Variants in ZNF136 observed in about 807,000 individuals in gnomAD.
The protein encoded by ZNF136 is zinc finger protein 136 (clone pHZ-20).
ZNF136 carries 8 observed loss-of-function variants against 11.4 expected under a neutral mutation model. The observed-to-expected ratio is 0.70, with a 90% CI of 0.41 to 1.27. The LOEUF (loss-of-function observed/expected upper bound fraction) is 1.27, where lower values mean the gene tolerates loss of function less well. ZNF136 is among the 50% of genes most tolerant of loss of function. The probability of loss-of-function intolerance (pLI) is 0.01; values close to 1 mark genes in which losing one functional copy is unlikely to be tolerated. For missense variants in ZNF136, 590 were observed against 656.5 expected, an observed-to-expected ratio of 0.90 and a Z score of 1.11; for synonymous variants, 190 against 207.1, an observed-to-expected ratio of 0.92 and a Z score of 0.71.
At chr19:12,170,781 T>C (rs1446989919) in intron 1 of ZNF136, among the ~76,000 whole-genome samples, 1 of 151,836 alleles carries the variant, frequency 6.6e-6, no homozygotes, top group Non-Finnish European at 1.5e-5. Context: ...GTGATTCTCT[T>C]GCCTCAGCCT....
intron 1 of ZNF136, among the ~76,000 whole-genome samples, chr19:12,170,441 G>A (rs1245173872): frequency 6.6e-6 from 1 of 150,722 alleles, no homozygotes; most frequent in Non-Finnish European, 1.5e-5. Flanking sequence ...AGACTGAAGT[G>A]CAGTGGTGCA....
chr19:12,182,624 G>GA (rs1191604422), intron 1 of ZNF136, among the ~76,000 whole-genome samples: 1 of 152,254 alleles, frequency 6.6e-6, no homozygotes, highest in Non-Finnish European at 1.5e-5. Context: ...GGGAAAGACA[G>GA]AAAATGATTC....
rs558578043 is a variant in ZNF136, at chr19:12,180,749, G to A, written c.4-5036G>A. On this transcript the variant is annotated intron_variant, in intron 1 of 3. Coordinates refer to ENST00000343979, the MANE Select transcript of ZNF136 (RefSeq NM_003437.5). ...TTGAGGTTAACAATAATGATTCCCCGTAAAGATATAGGTATGGCTTATTGT... is the reference window on the plus strand; with the variant it reads ...TTGAGGTTAACAATAATGATTCCCCATAAAGATATAGGTATGGCTTATTGT... Among the ~76,000 whole-genome samples, 11 of 152,240 alleles carry A rather than the reference G, an allele frequency of 7.2e-5. No homozygotes were observed. The South Asian group carries it at 1.0e-3, about 14-fold the overall frequency.
intron 1 of ZNF136, among the ~76,000 whole-genome samples, chr19:12,166,782 G>A (rs1202724304): frequency 3.3e-5 from 5 of 152,130 alleles, no homozygotes; most frequent in African/African-American, 7.2e-5. Flanking sequence ...CATTAAGATT[G>A]ATTTTGCTGG....
intron 1 of ZNF136, among the ~76,000 whole-genome samples, chr19:12,176,363 G>C (rs1484773895): frequency 1.3e-5 from 2 of 151,336 alleles, no homozygotes; most frequent in African/African-American, 4.9e-5. Context: ...TTTCGCTCTT[G>C]TTGCCCAGGT....
Position 12,163,103 on chromosome 19 carries a change from C to T in ZNF136, c.-101C>T, listed in dbSNP as rs2049939134. 7.7e-7 allele frequency: 1 copy of T among 1,303,016 alleles called. No homozygotes were observed. Among genetic ancestry groups the T allele is most frequent in the Non-Finnish European group, 1.0e-6 (1 of 1,000,562 alleles). The allele number at this position is 1,303,016 out of a possible 1,614,324, so 80.7% of individuals were successfully genotyped here. On this transcript the variant is annotated 5_prime_UTR_variant, in exon 1 of 4. Coordinates refer to ENST00000343979, the MANE Select transcript of ZNF136 (RefSeq NM_003437.5). ...CGTACTTGGTTTCGCTTCGCTAGTC[C>T]CAGAGGCCCAGAGTGGCTCGCCTGG... is the stretch of plus-strand genomic sequence containing the variant.
At chr19:12,168,790 C>T (rs1042171385) in intron 1 of ZNF136, among the ~76,000 whole-genome samples, 1 of 152,020 alleles carries the variant, frequency 6.6e-6, no homozygotes, top group Non-Finnish European at 1.5e-5. Context: ...ATTCTCCTGC[C>T]TCAGCCGCCC....
At chr19:12,181,678 AG>A (rs1206251538) in intron 1 of ZNF136, among the ~76,000 whole-genome samples, 1 of 151,650 alleles carries the variant, frequency 6.6e-6, no homozygotes, top group African/African-American at 2.4e-5. Flanking sequence ...TGAGTCGCCC[AG>A]GCTGGAGGGC....
rs910582835 is a variant in ZNF136, at chr19:12,189,351, CTTCTTTT to C, written c.*1359_*1365del. ...TTTTTTCCTTTTTTCTTTTTTCTTT[CTTCTTTT>C]TTCTTTTTGAGACAGGGTCTCGCTC... On this transcript the variant is annotated 3_prime_UTR_variant, in exon 4 of 4. Coordinates refer to ENST00000343979, the MANE Select transcript of ZNF136 (RefSeq NM_003437.5). 8.6e-5 allele frequency: 13 copies of C among 150,568 alleles called. No homozygotes were observed. The highest frequency in any genetic ancestry group is 1.9e-4 in the Non-Finnish European group (13 of 67,632). The allele number at this position is 150,568 out of a possible 1,614,324, so 9.3% of individuals were successfully genotyped here.
At chr19:12,171,002 A>C (rs1338708279) in intron 1 of ZNF136, among the ~76,000 whole-genome samples, 2 of 151,912 alleles carry the variant, frequency 1.3e-5, no homozygotes, top group African/African-American at 4.8e-5. Flanking sequence ...CGCCCGGCTA[A>C]TTTTGTTTTT....
chr19:12,186,559 A>G lies in ZNF136; in HGVS notation c.192-11A>G, dbSNP rs1404428348. The G allele has an allele frequency of 1.3e-6, 2 of 1,578,196 alleles. No individual in the cohort carries two copies. Among genetic ancestry groups the G allele is most frequent in the Non-Finnish European group, 1.7e-6 (2 of 1,161,878 alleles). On this transcript the variant is annotated splice_polypyrimidine_tract_variant and intron_variant, in intron 3 of 3. Transcript: ENST00000343979. ...ACAAATCCTTAGTAATGTCCGTCTC[A>G]TTTTTTACAGAAGTCATATGTTAGA... is the stretch of plus-strand genomic sequence containing the variant.
chr19:12,168,372 G>T (rs893588096), intron 1 of ZNF136, among the ~76,000 whole-genome samples: 6 of 151,822 alleles, frequency 4.0e-5, no homozygotes, highest in African/African-American at 1.5e-4. Context: ...CCACGCCCCC[G>T]ACAAGCCCCG....
At chr19:12,173,082 T>C (rs1041618826) in intron 1 of ZNF136, among the ~76,000 whole-genome samples, 1 of 151,946 alleles carries the variant, frequency 6.6e-6, no homozygotes, top group Non-Finnish European at 1.5e-5. Flanking sequence ...GGTGGAACTA[T>C]TTGTGACACA....
intron 1 of ZNF136, among the ~76,000 whole-genome samples, chr19:12,172,977 A>C (rs1914699276): frequency 6.6e-6 from 1 of 152,028 alleles, no homozygotes; most frequent in Admixed American, 6.6e-5. Flanking sequence ...GCGTCACTGC[A>C]CTCCAGCCTG....
chr19:12,163,328 C>G (rs918372808), intron 1 of ZNF136, 122 bp downstream of exon 1: 16 of 1,232,250 alleles, frequency 1.3e-5, no homozygotes, highest in Non-Finnish European at 1.7e-5. Context: ...CCGAGTCCCT[C>G]TGGCGCAGCT....
chr19:12,178,509 T>G (rs2145635839), intron 1 of ZNF136, among the ~76,000 whole-genome samples: 2 of 152,326 alleles, frequency 1.3e-5, no homozygotes, highest in African/African-American at 4.8e-5. Context: ...TATGTATTAT[T>G]TCCTCAAGCA....
intron 1 of ZNF136, chr19:12,184,821 A>C (rs1301121774): frequency 6.6e-6 from 1 of 152,088 alleles, no homozygotes; most frequent in African/African-American, 2.4e-5. Context: ...AGAAATTTTC[A>C]TATTTTTTCC....
In ZNF136 at chr19:12,187,334, A is replaced by G. The variant is rs1460585494; in HGVS notation, c.956A>G (p.Tyr319Cys). The G allele has an allele frequency of 3.7e-6, 6 of 1,613,924 alleles. No homozygotes were observed. Among genetic ancestry groups the G allele is most frequent in the Non-Finnish European group, 5.1e-6 (6 of 1,179,958 alleles). Residue 319 changes from tyrosine to cysteine, a missense_variant, in exon 4 of 4, where the codon TAT (tyrosine) becomes TGT (cysteine). Coordinates refer to ENST00000343979, the MANE Select transcript of ZNF136 (RefSeq NM_003437.5). ...AAGCAGTGTGGGAAGGCCTTCAGTTATCTCCCCTCCCTTCGACTACATGAA... is the reference window on the plus strand; with the variant it reads ...AAGCAGTGTGGGAAGGCCTTCAGTTGTCTCCCCTCCCTTCGACTACATGAA... ...ECKQCGKAFS[Y>C]LPSLRLHERI...
chr19:12,175,054 C>T (rs906744872), intron 1 of ZNF136, among the ~76,000 whole-genome samples: 14 of 151,702 alleles, frequency 9.2e-5, no homozygotes, highest in South Asian at 4.2e-4. Flanking sequence ...GACAGTGTTT[C>T]GCCATATTGA....
Sources: allele counts gnomAD v4.1 joint callset (sites outside exome capture counted in the v4.1 genomes callset), GRCh38; gene constraint gnomAD v4.1.1; transcripts MANE v1.5; gene names NCBI Gene and HGNC (gene_info 2026-07-23, HGNC 2026-07-21).